UPK2: variants seen among roughly 807,000 people sequenced by gnomAD.
UPK2 encodes the protein uroplakin 2.
A neutral mutation model predicts 14.8 loss-of-function variants in UPK2; 19 were observed. The observed-to-expected ratio is 1.29, with a 90% CI of 0.90 to 1.89. The LOEUF is 1.89. Ranked by LOEUF, UPK2 falls within the 40% of genes most tolerant of loss-of-function variation. UPK2 has a pLI of 0.00. For missense variants in UPK2, 232 were observed against 236.0 expected (o/e 0.98, Z 0.11); for synonymous variants, 102 against 101.6 (o/e 1.00, Z -0.02).
At chr11:118,957,549 A>T in intron 3 of UPK2, 49 bp from the exon 4 acceptor site, 2 of 1,607,956 alleles carry the variant, frequency 1.2e-6, no homozygotes, top group South Asian at 2.2e-5. Context: ...TCTTCCTGTA[A>T]GTCCCAATAC....
In UPK2 at chr11:118,957,248, C is replaced by A; in HGVS notation, c.249C>A (p.Arg83=). ...TTGTGGTGCCTCCGTGCCGTGGGCGCAGGGAACTGGTGAGTGTGGTGGACA... is the reference window on the plus strand; with the variant it reads ...TTGTGGTGCCTCCGTGCCGTGGGCGAAGGGAACTGGTGAGTGTGGTGGACA... ...SSFVVPPCRG[R]RELVSVVDSG... is the part of the protein sequence containing the mutation. The change falls in exon 3 of 5, where the codon CGC becomes CGA. Residue 83 remains arginine (R), a synonymous_variant. Transcript: ENST00000264031. 6.2e-7 allele frequency: 1 copy of A among 1,614,150 alleles called. No individual in the cohort carries two copies. Among genetic ancestry groups the A allele is most frequent in the Admixed American group, 1.7e-5 (1 of 59,996 alleles).
rs1565640869 is a variant in UPK2, at chr11:118,957,329, G to A, written c.330G>A (p.Val110=). The change falls in exon 3 of 5, where the codon GTG becomes GTA. Residue 110 remains valine, a synonymous_variant. Coordinates refer to ENST00000264031, the MANE Select transcript of UPK2 (RefSeq NM_006760.4). ...RLSAYQVTNL[V]PGTKFYISYL... is the part of the protein sequence containing the mutation. ...GTGCATACCAGGTGACAAACCTCGT[G>A]CCAGGAACCAAATTCTAGTAGGTAC... 6.2e-7 allele frequency: 1 copy of A among 1,614,060 alleles called. No individual in the cohort carries two copies. The highest frequency in any genetic ancestry group is 1.7e-5 in the Admixed American group (1 of 59,996).
In UPK2 at chr11:118,956,477, G is replaced by T; in HGVS notation, c.76+51G>T. The T allele has an allele frequency of 6.7e-7, 1 of 1,491,866 alleles. No homozygotes were observed. The highest frequency in any genetic ancestry group is 9.2e-7 in the Non-Finnish European group (1 of 1,089,308). 92.4% of individuals were successfully genotyped at this position (1,491,866 alleles called of 1,614,324 possible). Reference sequence around the variant, plus strand: ...GGAAGGGGGCTGGGGGCCTGGACAGGGAGCACTGTACCTTCCAGGGCTCTC... The same window carrying T: ...GGAAGGGGGCTGGGGGCCTGGACAGTGAGCACTGTACCTTCCAGGGCTCTC... On this transcript the variant is annotated intron_variant, in intron 1 of 4. Coordinates refer to ENST00000264031, the MANE Select transcript of UPK2 (RefSeq NM_006760.4). This position sits in a 1 kb window ranked among gnomAD's most constrained non-coding sequence, Gnocchi z 4.1.
Position 118,958,482 on chromosome 11 carries a change from T to C in UPK2, c.*249T>C. ...GTTGACTTTCCTCCCATTTTACCAC[T>C]TTAAACACCCCCATAACAATTCCCC... is the stretch of plus-strand genomic sequence containing the variant. On this transcript the variant is annotated 3_prime_UTR_variant, in exon 5 of 5. Coordinates refer to ENST00000264031, the MANE Select transcript of UPK2 (RefSeq NM_006760.4). The surrounding 1 kb of genome is among the most constrained non-coding windows in gnomAD (Gnocchi z 4.6). The C allele has an allele frequency of 2.1e-6, 1 of 486,376 alleles. No homozygotes were observed. Among genetic ancestry groups the C allele is most frequent in the Non-Finnish European group, 3.7e-6 (1 of 269,674 alleles). The allele number at this position is 486,376 out of a possible 1,614,324, so 30.1% of individuals were successfully genotyped here. A position where few individuals can be genotyped will look rare whatever the true frequency, so the allele number is the denominator to read the frequency against.
In UPK2 at chr11:118,958,059, C is replaced by G; in HGVS notation, c.419-38C>G. On this transcript the variant is annotated intron_variant, in intron 4 of 4. Transcript: ENST00000264031. The surrounding 1 kb of genome is among the most constrained non-coding windows in gnomAD (Gnocchi z 4.6). ...CGTGAGCCTCAGGCAGGCTGGGGGT[C>G]TCTCCCGCCCACAGTGGTCTCCCCT... is the stretch of plus-strand genomic sequence containing the variant. 1 of 1,580,976 alleles carries G rather than the reference C, an allele frequency of 6.3e-7. No individual in the cohort carries two copies. Among genetic ancestry groups the G allele is most frequent in the Middle Eastern group, 1.7e-4 (1 of 5,902 alleles).
At position 118,958,194 on chromosome 11, in the gene UPK2, G is replaced by GGGCTTCATCATT. The variant is rs1282579903; in HGVS notation, c.518_529dup (p.Gly173_Ile176dup). On this transcript the variant is annotated inframe_insertion, in exon 5 of 5. Transcript: ENST00000264031. This position sits in a 1 kb window ranked among gnomAD's most constrained non-coding sequence, Gnocchi z 4.6. ...CTGTCGCCATGTTCCTGCTGGTGCT[G>GGGCTTCATCATT]GGCTTCATCATTGCCCTGGCACTGG... The GGGCTTCATCATT allele has an allele frequency of 1.9e-6, 3 of 1,613,812 alleles. No homozygotes were observed. The highest frequency in any genetic ancestry group is 2.5e-6 in the Non-Finnish European group (3 of 1,179,938).
In UPK2 at chr11:118,958,171, G is replaced by A. The variant is rs780173852; in HGVS notation, c.493G>A (p.Val165Ile). The change falls in exon 5 of 5, where the codon GTC becomes ATC. Residue 165 changes from valine (V) to isoleucine (I), a missense_variant. Val to Ile is a conservative substitution (Grantham distance 29). Coordinates refer to ENST00000264031, the MANE Select transcript of UPK2 (RefSeq NM_006760.4). This position sits in a 1 kb window ranked among gnomAD's most constrained non-coding sequence, Gnocchi z 4.6. Reference protein sequence around the residue: ...GMVVITVLLSVAMFLLVLGFI... With the variant: ...GMVVITVLLSIAMFLLVLGFI... ...GGTGGTCATCACGGTGCTGCTCTCT[G>A]TCGCCATGTTCCTGCTGGTGCTGGG... 5.0e-6 allele frequency: 8 copies of A among 1,613,914 alleles called. No homozygotes were observed. Among genetic ancestry groups the A allele is most frequent in the African/African-American group, 1.3e-5 (1 of 74,902 alleles).
At chr11:118,957,160 G>T (rs1941569696) in intron 2 of UPK2, 48 bp from the exon 3 acceptor site, 2 of 1,613,084 alleles carry the variant, frequency 1.2e-6, no homozygotes. Flanking sequence ...TCTCCTTGGG[G>T]CCTCCAGAAA....
Position 118,958,357 on chromosome 11 carries a change from T to C in UPK2, c.*124T>C. On this transcript the variant is annotated 3_prime_UTR_variant, in exon 5 of 5. Coordinates refer to ENST00000264031, the MANE Select transcript of UPK2 (RefSeq NM_006760.4). The surrounding 1 kb of genome is among the most constrained non-coding windows in gnomAD (Gnocchi z 4.6). ...GTGCCCTCGCCTCCTCCTCCTGCCC[T>C]CCTCTCCCCTAGAGCCCTCTCCTCC... 8.7e-7 allele frequency: 1 copy of C among 1,147,704 alleles called. No individual in the cohort carries two copies. Among genetic ancestry groups the C allele is most frequent in the Non-Finnish European group, 1.2e-6 (1 of 830,920 alleles). 71.1% of individuals were successfully genotyped at this position (1,147,704 alleles called of 1,614,324 possible).
rs2134468412 is a variant in UPK2, at chr11:118,958,395, C to T, written c.*162C>T. On this transcript the variant is annotated 3_prime_UTR_variant, in exon 5 of 5. Transcript: ENST00000264031. This position sits in a 1 kb window ranked among gnomAD's most constrained non-coding sequence, Gnocchi z 4.6. ...AGCCCTCTCCTCCCTCTGTCCCTCT[C>T]CTTGCCCCCAGTGCCTCACCTTCCA... 2.6e-6 allele frequency: 2 copies of T among 774,026 alleles called. No individual in the cohort carries two copies. The highest frequency in any genetic ancestry group is 2.7e-5 in the East Asian group (1 of 36,700). The allele number at this position is 774,026 out of a possible 1,614,324, so 47.9% of individuals were successfully genotyped here. A position where few individuals can be genotyped will look rare whatever the true frequency, so the allele number is the denominator to read the frequency against.
rs1397651902 is a variant in UPK2 at position 118,958,500 on chromosome 11, A to T, written c.*267A>T. 3 of 424,034 alleles carry T rather than the reference A, an allele frequency of 7.1e-6. No individual in the cohort carries two copies. The highest frequency in any genetic ancestry group is 1.3e-5 in the Non-Finnish European group (3 of 233,684). The allele number at this position is 424,034 out of a possible 1,614,324, so 26.3% of individuals were successfully genotyped here. On this transcript the variant is annotated 3_prime_UTR_variant, in exon 5 of 5. Transcript: ENST00000264031. The surrounding 1 kb of genome is among the most constrained non-coding windows in gnomAD (Gnocchi z 4.6). ...TTACCACTTTAAACACCCCCATAAC[A>T]ATTCCCCCATCCTTCAGTGAACTAA...
chr11:118,958,282 C>G lies in UPK2; in HGVS notation c.*49C>G, dbSNP rs1174532074. The stretch of plus-strand genomic sequence containing the variant: ...TTCTCCAGGAAGCCCAGGGCACCAT[C>G]CAGCTCCCCAGCCCACCTGCTCCCA... On this transcript the variant is annotated 3_prime_UTR_variant, in exon 5 of 5. Coordinates refer to ENST00000264031, the MANE Select transcript of UPK2 (RefSeq NM_006760.4). This position sits in a 1 kb window ranked among gnomAD's most constrained non-coding sequence, Gnocchi z 4.6. The G allele has an allele frequency of 6.4e-7, 1 of 1,551,762 alleles. No homozygotes were observed. Among genetic ancestry groups the G allele is most frequent in the Non-Finnish European group, 8.7e-7 (1 of 1,151,014 alleles).
At chr11:118,957,771 C>G in intron 4 of UPK2, 103 bp downstream of exon 4, 1 of 1,383,814 alleles carries the variant, frequency 7.2e-7, no homozygotes, top group South Asian at 1.2e-5. Flanking sequence ...CCTCCCCGTG[C>G]GCCCTCGGGG....
chr11:118,957,864 G>A (rs924697387), intron 4 of UPK2, among the ~76,000 whole-genome samples, 196 bp downstream of exon 4: 1 of 152,208 alleles, frequency 6.6e-6, no homozygotes, highest in African/African-American at 2.4e-5. Flanking sequence ...GGCAGGGACT[G>A]TGTCCTCTTA....
rs151023546 is a variant in UPK2 at position 118,956,953 on chromosome 11, C to T, written c.147C>T (p.Pro49=). The change falls in exon 2 of 5, where the codon CCC becomes CCT. Residue 49 remains proline (P), a synonymous_variant. Coordinates refer to ENST00000264031, the MANE Select transcript of UPK2 (RefSeq NM_006760.4). This position sits in a 1 kb window ranked among gnomAD's most constrained non-coding sequence, Gnocchi z 4.1. ...ALTESLLVAL[P]PCHLTGGNAT... ...CGGAGAGCCTGCTGGTTGCCTTGCC[C>T]CCCTGTCACCTCACAGGAGGCAATG... 6.1e-5 allele frequency: 98 copies of T among 1,613,924 alleles called. No homozygotes were observed. The highest frequency in any genetic ancestry group is 7.8e-5 in the Non-Finnish European group (92 of 1,180,016).
intron 2 of UPK2, 28 bp downstream of exon 2, chr11:118,957,042 T>A: frequency 6.2e-7 from 1 of 1,613,284 alleles, no homozygotes; most frequent in Non-Finnish European, 8.5e-7. Flanking sequence ...AAGGCATCCC[T>A]CTAGTCCCCA....
chr11:118,957,896 T>C (rs1941577585), intron 4 of UPK2, among the ~76,000 whole-genome samples: 1 of 152,164 alleles, frequency 6.6e-6, no homozygotes, highest in Non-Finnish European at 1.5e-5. Context: ...GCGGCTGACA[T>C]AGGAGATGCT....
In UPK2 at chr11:118,958,065, C is replaced by A. The variant is rs189624631; in HGVS notation, c.419-32C>A. On this transcript the variant is annotated intron_variant, in intron 4 of 4. Coordinates refer to ENST00000264031, the MANE Select transcript of UPK2 (RefSeq NM_006760.4). The surrounding 1 kb of genome is among the most constrained non-coding windows in gnomAD (Gnocchi z 4.6). ...CCTCAGGCAGGCTGGGGGTCTCTCC[C>A]GCCCACAGTGGTCTCCCCTCTCTTT... The A allele has an allele frequency of 6.3e-7, 1 of 1,592,336 alleles. No individual in the cohort carries two copies. The highest frequency in any genetic ancestry group is 1.3e-5 in the African/African-American group (1 of 74,570).
At position 118,958,173 on chromosome 11, in the gene UPK2, C is replaced by T. The variant is rs776578281; in HGVS notation, c.495C>T (p.Val165=). Residue 165 remains valine (V), a synonymous_variant, in exon 5 of 5, where the codon GTC becomes GTT. Transcript: ENST00000264031. This position sits in a 1 kb window ranked among gnomAD's most constrained non-coding sequence, Gnocchi z 4.6. ...TGGTCATCACGGTGCTGCTCTCTGT[C>T]GCCATGTTCCTGCTGGTGCTGGGCT... ...GMVVITVLLS[V]AMFLLVLGFI... The T allele has an allele frequency of 1.5e-5, 24 of 1,613,898 alleles. No individual in the cohort carries two copies. The Admixed American group carries it at 2.0e-4, about 13-fold the overall frequency.
Sources: allele counts gnomAD v4.1 joint callset (sites outside exome capture counted in the v4.1 genomes callset), GRCh38; gene constraint gnomAD v4.1.1; non-coding constraint Gnocchi (gnomAD v3.1); transcripts MANE v1.5; gene names NCBI Gene and HGNC (gene_info 2026-07-23, HGNC 2026-07-21).